ZNF516: variants seen among roughly 807,000 people sequenced by gnomAD.
The protein encoded by ZNF516 is zinc finger protein 516.
Under a neutral mutation model 79.7 loss-of-function variants are expected in ZNF516, and 19 were observed. That is an observed-to-expected ratio of 0.24 (90% CI 0.17 to 0.35). The LOEUF is 0.35. ZNF516 is among the 10% of genes least tolerant of loss of function. ZNF516 has a pLI of 1.00. For synonymous variants in ZNF516, 877 were observed against 739.5 expected, an observed-to-expected ratio of 1.19 and a Z score of -3.02; for missense variants, 1,678 against 1,679.5, an observed-to-expected ratio of 1.00 and a Z score of 0.02.
chr18:76,404,239 G>T (rs1568264015), intron 3 of ZNF516, among the ~76,000 whole-genome samples: 1 of 152,270 alleles, frequency 6.6e-6, no homozygotes, highest in Non-Finnish European at 1.5e-5. Context: ...AGCCAGGGGG[G>T]TCCCCAAGGA....
intron 4 of ZNF516, among the ~76,000 whole-genome samples, chr18:76,376,533 CAAAA>C (rs10708911): frequency 1.8e-4 from 24 of 132,796 alleles, no homozygotes; most frequent in Non-Finnish European, 2.7e-4. Flanking sequence ...CTCTCTCTTT[CAAAA>C]AAAAAAAAAA....
rs767276593 is a variant in ZNF516 at position 76,379,100 on chromosome 18, T to C, written c.3014A>G (p.Lys1005Arg). The change falls in exon 4 of 7, where the codon AAG becomes AGG. Residue 1005 changes from lysine to arginine, a missense_variant. By Grantham distance (26) the Lys-to-Arg change is conservative (BLOSUM62 2). Transcript: ENST00000443185. ...PPLPPREPPS[K>R]AAQELRTLAT... ...CAGAGTCCTCAGCTCCTGGGCTGCCTTCGAGGGGGGCTCGCGGGGAGGTAG... is the reference window on the plus strand; with the variant it reads ...CAGAGTCCTCAGCTCCTGGGCTGCCCTCGAGGGGGGCTCGCGGGGAGGTAG... 6.2e-7 allele frequency: 1 copy of C among 1,611,444 alleles called. No individual in the cohort carries two copies. The highest frequency in any genetic ancestry group is 1.1e-5 in the South Asian group (1 of 91,080).
At chr18:76,436,491 C>A (rs1184990998) in intron 3 of ZNF516, among the ~76,000 whole-genome samples, 1 of 152,198 alleles carries the variant, frequency 6.6e-6, no homozygotes. Context: ...CATGACTTGG[C>A]TTCAGAGAGA....
At chr18:76,436,394 G>C (rs993911648) in intron 3 of ZNF516, among the ~76,000 whole-genome samples, 3 of 152,032 alleles carry the variant, frequency 2.0e-5, no homozygotes, top group Admixed American at 6.6e-5. Context: ...TCTCCTCCTT[G>C]GTCCACAACC....
At chr18:76,433,095 T>C (rs2075683562) in intron 3 of ZNF516, among the ~76,000 whole-genome samples, 1 of 152,216 alleles carries the variant, frequency 6.6e-6, no homozygotes, top group Non-Finnish European at 1.5e-5. Context: ...TGTAGGCTTC[T>C]GAGATGCTCC....
At chr18:76,462,098 C>A (rs929228937) in intron 2 of ZNF516, among the ~76,000 whole-genome samples, 2 of 151,942 alleles carry the variant, frequency 1.3e-5, no homozygotes, top group African/African-American at 4.8e-5. Flanking sequence ...ACCTTTTTTT[C>A]AAAGTGTTTC....
At chr18:76,435,275 A>G (rs17269784) in intron 3 of ZNF516, among the ~76,000 whole-genome samples, 2,401 of 152,338 alleles carry the variant, frequency 0.016, 27 homozygotes, top group Middle Eastern at 0.041. Flanking sequence ...ATAATCTCTG[A>G]AGTCTAACGC....
chr18:76,407,042 C>T (rs1171651268), intron 3 of ZNF516, among the ~76,000 whole-genome samples: 1 of 152,204 alleles, frequency 6.6e-6, no homozygotes, highest in Non-Finnish European at 1.5e-5. Flanking sequence ...CTCTCGTGCA[C>T]AGGCTGGGTG....
intron 2 of ZNF516, among the ~76,000 whole-genome samples, chr18:76,457,195 T>C (rs1810180584): frequency 6.6e-6 from 1 of 152,270 alleles, no homozygotes; most frequent in African/African-American, 2.4e-5. Flanking sequence ...GCTCCTTGCA[T>C]GTAAGATTCC....
intron 1 of ZNF516, among the ~76,000 whole-genome samples, chr18:76,485,881 A>G (rs1317461082): frequency 1.3e-5 from 2 of 151,596 alleles, no homozygotes; most frequent in Non-Finnish European, 2.9e-5. Flanking sequence ...AAAAAAAAAA[A>G]AAAGATGGGG....
rs1353130958 is a variant in ZNF516 at position 76,493,322 on chromosome 18, G to A, written c.-272+1822C>T. ...CCGAGAAAGAAGGAGGGGTCATTCC[G>A]CGGGGGGCGGGGGGGGGGGCGGGGG... On this transcript the variant is annotated intron_variant, in intron 1 of 6. Coordinates refer to ENST00000443185, the MANE Select transcript of ZNF516 (RefSeq NM_014643.4). This position sits in a 1 kb window ranked among gnomAD's most constrained non-coding sequence, Gnocchi z 5.2. 2 of 62,908 alleles carry A rather than the reference G, an allele frequency of 3.2e-5. No homozygotes were observed. Among genetic ancestry groups the A allele is most frequent in the African/African-American group, 1.3e-4 (2 of 15,670 alleles). 3.9% of individuals were successfully genotyped at this position (62,908 alleles called of 1,614,324 possible).
chr18:76,437,517 CT>C (rs990185574), intron 3 of ZNF516, among the ~76,000 whole-genome samples: 4 of 151,804 alleles, frequency 2.6e-5, no homozygotes, highest in African/African-American at 9.7e-5. Flanking sequence ...GTTCCAAGCA[CT>C]TTTTTTATTC....
chr18:76,387,480 T>C (rs370585054), intron 3 of ZNF516: 4 of 152,204 alleles, frequency 2.6e-5, no homozygotes, highest in East Asian at 3.9e-4. Context: ...TGTGTCGTGG[T>C]AGGTTTATAA....
intron 3 of ZNF516, among the ~76,000 whole-genome samples, chr18:76,432,933 CAGA>C (rs1401002759): frequency 6.6e-6 from 1 of 151,882 alleles, no homozygotes; most frequent in African/African-American, 2.4e-5. Context: ...CGTGTAGGGC[CAGA>C]AGAAGGGAAG....
intron 3 of ZNF516, among the ~76,000 whole-genome samples, chr18:76,384,889 T>C (rs2074960280): frequency 6.6e-6 from 1 of 152,220 alleles, no homozygotes; most frequent in Non-Finnish European, 1.5e-5. Flanking sequence ...GATTTGAGCA[T>C]GGCGTGGCCC....
rs766425853 is a variant in ZNF516, at chr18:76,441,783, C to T, written c.1272G>A (p.Arg424=). ...ACTCGGCCGGCTCGGCCACCTTACC[C>T]CGCGTGGCCAGCTGCCAGGCCTGGT... The part of the protein sequence containing the change: ...NSYQAWQLAT[R]GKVAEPAEYL... Residue 424 remains arginine (R), a synonymous_variant, in exon 3 of 7, where the codon CGG becomes CGA. Transcript: ENST00000443185. 6.2e-5 allele frequency: 97 copies of T among 1,559,790 alleles called. No individual in the cohort carries two copies. The East Asian group carries it at 2.1e-3, about 34-fold the overall frequency.
intron 6 of ZNF516, among the ~76,000 whole-genome samples, chr18:76,365,572 G>A (rs766014475): frequency 6.6e-6 from 1 of 152,180 alleles, no homozygotes; most frequent in South Asian, 2.1e-4. Flanking sequence ...CATTTATTCA[G>A]TTGTGCTAAA....
intron 3 of ZNF516, among the ~76,000 whole-genome samples, chr18:76,413,256 G>A (rs889600683): frequency 6.6e-6 from 1 of 152,178 alleles, no homozygotes; most frequent in South Asian, 2.1e-4. Flanking sequence ...TGTAGTGGAA[G>A]AACTTTAAGT....
At chr18:76,429,473 C>A (rs1374928729) in intron 3 of ZNF516, among the ~76,000 whole-genome samples, 2 of 152,160 alleles carry the variant, frequency 1.3e-5, no homozygotes, top group Non-Finnish European at 2.9e-5. Context: ...CCTGACTCTG[C>A]CCATTCTAGT....
Sources: gnomAD v4.1 joint callset for allele counts (sites outside exome capture counted in the v4.1 genomes callset) on GRCh38, gnomAD v4.1.1 for gene constraint, Gnocchi (gnomAD v3.1) non-coding constraint, MANE v1.5 for transcripts, NCBI Gene and HGNC (gene_info 2026-07-23, HGNC 2026-07-21) for gene names.